The following ZNF780A variants were observed in gnomAD, a reference collection of about 807,000 sequenced individuals.
ZNF780A encodes the protein zinc finger protein 780A.
Under a neutral mutation model 56.7 loss-of-function variants are expected in ZNF780A, and 40 were observed. The ratio of observed to expected loss-of-function variants is 0.71; its 90% CI spans 0.55 to 0.92. The LOEUF is 0.92. Among genes scored for constraint, ZNF780A ranks in the 40% least tolerant of loss-of-function variants. ZNF780A has a pLI of 0.00. For missense variants in ZNF780A, 672 were observed against 783.3 expected (o/e 0.86, Z 1.70); for synonymous variants, 231 against 248.3 (o/e 0.93, Z 0.66).
At position 40,085,976 on chromosome 19, in the gene ZNF780A, A is replaced by G. The variant is rs775283945; in HGVS notation, c.-45-1178T>C. ...TGTGTATATATATATGTGTGTGTGTATATATATATTTATATATATATATGT... is the reference window on the plus strand; with the variant it reads ...TGTGTATATATATATGTGTGTGTGTGTATATATATTTATATATATATATGT... On this transcript the variant is annotated intron_variant, in intron 2 of 5. Coordinates refer to ENST00000683561, the MANE Select transcript of ZNF780A (RefSeq NM_001142578.2). Among the ~76,000 whole-genome samples the G allele has an allele frequency of 5.4e-5, 8 of 148,628 alleles. No homozygotes were observed. In the East Asian group the frequency reaches 9.9e-4, roughly 18 times the overall value.
intron 5 of ZNF780A, among the ~76,000 whole-genome samples, chr19:40,081,165 G>C (rs1974450611): frequency 6.6e-6 from 1 of 151,184 alleles, no homozygotes; most frequent in South Asian, 2.1e-4. Context: ...AATTAAATGA[G>C]AGAAATTATT....
Position 40,075,483 on chromosome 19 carries a change from A to G in ZNF780A, c.959T>C (p.Leu320Pro). 2 of 1,613,692 alleles carry G rather than the reference A, an allele frequency of 1.2e-6. No individual in the cohort carries two copies. Among genetic ancestry groups the G allele is most frequent in the Non-Finnish European group, 1.7e-6 (2 of 1,179,946 alleles). The change falls in exon 6 of 6, where the codon CTT becomes CCT. Residue 320 changes from leucine (L) to proline (P), a missense_variant. Physicochemically the swap from Leu to Pro is moderately conservative, Grantham distance 98 (BLOSUM62 -3). Transcript: ENST00000683561. Reference protein sequence around the residue: ...CGMAFRYHYQLIEHCQIHTGE... With the variant: ...CGMAFRYHYQPIEHCQIHTGE... ...AGTATGAATTTGGCAATGTTCAATA[A>G]GTTGGTAATGATATCGAAAGGCCAT... is the stretch of plus-strand genomic sequence containing the variant.
At chr19:40,077,759 C>T (rs1252642813) in intron 5 of ZNF780A, among the ~76,000 whole-genome samples, 2 of 151,802 alleles carry the variant, frequency 1.3e-5, no homozygotes, top group Non-Finnish European at 2.9e-5. Context: ...AACACTACTG[C>T]ACACGCCCAG....
chr19:40,074,068 A>G lies in ZNF780A; in HGVS notation c.*448T>C. 8.0e-7 allele frequency: 1 copy of G among 1,253,830 alleles called. No homozygotes were observed. Among genetic ancestry groups the G allele is most frequent in the Non-Finnish European group, 1.0e-6 (1 of 978,962 alleles). The allele number at this position is 1,253,830 out of a possible 1,614,324, so 77.7% of individuals were successfully genotyped here. On this transcript the variant is annotated 3_prime_UTR_variant, in exon 6 of 6. Coordinates refer to ENST00000683561, the MANE Select transcript of ZNF780A (RefSeq NM_001142578.2). Reference sequence around the variant, plus strand: ...TGATGTGCAGTCAGGACCAAACTAAATCTGAAAGTTTTCCCACACTCCTTA... The same window carrying G: ...TGATGTGCAGTCAGGACCAAACTAAGTCTGAAAGTTTTCCCACACTCCTTA...
At chr19:40,072,970 A>G (rs1171843686), downstream of ZNF780A, 6 of 1,540,384 alleles carry the variant, frequency 3.9e-6, no homozygotes, top group East Asian at 4.9e-5. Context: ...TTGGAAGCCA[A>G]TGAAGAAATC....
In ZNF780A at chr19:40,074,100, T is replaced by C. The variant is rs1364894419; in HGVS notation, c.*416A>G. 3.8e-5 allele frequency: 48 copies of C among 1,263,986 alleles called. No individual in the cohort carries two copies. The highest frequency in any genetic ancestry group is 4.7e-5 in the Non-Finnish European group (46 of 983,418). The allele number at this position is 1,263,986 out of a possible 1,614,324, so 78.3% of individuals were successfully genotyped here. ...AGTTTTCCCACACTCCTTACATTCA[T>C]AGAGTTTCTCACCAGTATGAATACT... On this transcript the variant is annotated 3_prime_UTR_variant, in exon 6 of 6. Coordinates refer to ENST00000683561, the MANE Select transcript of ZNF780A (RefSeq NM_001142578.2).
At chr19:40,072,122 A>G (rs572478702), downstream of ZNF780A, 1,461 of 231,398 alleles carry the variant, frequency 6.3e-3, 9 homozygotes, top group Non-Finnish European at 0.01. Context: ...ATGGAGCCCC[A>G]GATGCAGTCC....
rs932418889 is a variant in ZNF780A at position 40,073,484 on chromosome 19, T to G, written c.*1032A>C. ...CACAGGGTTGCCACAAACCTTCAGT[T>G]TGTATAAAACACAATAACTGCAATG... is the stretch of plus-strand genomic sequence containing the variant. On this transcript the variant is annotated 3_prime_UTR_variant, in exon 6 of 6. Coordinates refer to ENST00000683561, the MANE Select transcript of ZNF780A (RefSeq NM_001142578.2). 1 of 982,412 alleles carries G rather than the reference T, an allele frequency of 1.0e-6. No homozygotes were observed. The highest frequency in any genetic ancestry group is 1.2e-6 in the Non-Finnish European group (1 of 827,170). 60.9% of individuals were successfully genotyped at this position (982,412 alleles called of 1,614,324 possible). A position where few individuals can be genotyped will look rare whatever the true frequency, so the allele number is the denominator to read the frequency against.
At chr19:40,089,617 TACAC>T (rs5828058) in intron 2 of ZNF780A, among the ~76,000 whole-genome samples, 3,217 of 147,956 alleles carry the variant, frequency 0.022, 75 homozygotes, top group African/African-American at 0.051. Context: ...CCTCTCACAG[TACAC>T]ACACACACAC....
intron 5 of ZNF780A, 22 bp downstream of exon 5, chr19:40,081,797 C>A (rs753892963): frequency 1.9e-6 from 3 of 1,592,330 alleles, no homozygotes; most frequent in Non-Finnish European, 2.6e-6. Context: ...GGCTTCCCCC[C>A]GCCTGCTTTA....
In ZNF780A at chr19:40,075,876, C is replaced by A; in HGVS notation, c.566G>T (p.Gly189Val). 6.2e-7 allele frequency: 1 copy of A among 1,614,088 alleles called. No homozygotes were observed. Among genetic ancestry groups the A allele is most frequent in the Non-Finnish European group, 8.5e-7 (1 of 1,179,988 alleles). The change falls in exon 6 of 6, where the codon GGA (glycine) becomes GTA (valine). Residue 189 changes from glycine (G) to valine (V), a missense_variant. Gly to Val is a moderately radical substitution (Grantham distance 109). Coordinates refer to ENST00000683561, the MANE Select transcript of ZNF780A (RefSeq NM_001142578.2). ...CTCCTTACATTCAAAGGGTTTCTCT[C>A]CAGTATGAATACTCTGATGCTGAAT... is the stretch of plus-strand genomic sequence containing the variant. ...NLIQHQSIHT[G>V]EKPFECKECG...
At chr19:40,089,299 A>G in intron 2 of ZNF780A, 2 of 1,378,188 alleles carry the variant, frequency 1.5e-6, no homozygotes, top group Middle Eastern at 1.9e-4. Flanking sequence ...ACATACAATT[A>G]TATCTGTCGA....
intron 5 of ZNF780A, among the ~76,000 whole-genome samples, chr19:40,079,858 TA>T: frequency 6.6e-6 from 1 of 152,124 alleles, no homozygotes; most frequent in South Asian, 2.1e-4. Context: ...TTGATGGCAA[TA>T]AACACCTACA....
intron 5 of ZNF780A, among the ~76,000 whole-genome samples, chr19:40,077,150 A>AG (rs1384021956): frequency 6.6e-6 from 1 of 152,012 alleles, no homozygotes; most frequent in Non-Finnish European, 1.5e-5. Context: ...GCCCCAAAAC[A>AG]GGCACATCTG....
In ZNF780A at chr19:40,075,523, A is replaced by C; in HGVS notation, c.919T>G (p.Cys307Gly). 1 of 1,612,980 alleles carries C rather than the reference A, an allele frequency of 6.2e-7. No individual in the cohort carries two copies. The highest frequency in any genetic ancestry group is 8.5e-7 in the Non-Finnish European group (1 of 1,179,746). ...CGAAAGGCCATCCCACATTCCTTAC[A>C]TACAAAGGGTTTCTCATTGGAATGA... ...KIHSNEKPFV[C>G]KECGMAFRYH... Residue 307 changes from cysteine (C) to glycine (G), a missense_variant, in exon 6 of 6, where the codon TGT (cysteine) becomes GGT (glycine). Cys to Gly is a radical substitution (Grantham distance 159). Transcript: ENST00000683561.
rs150614163 is a variant in ZNF780A, at chr19:40,074,644, G to A, written c.1798C>T (p.Leu600Phe). The A allele has an allele frequency of 7.4e-6, 12 of 1,613,492 alleles. No homozygotes were observed. Among genetic ancestry groups the A allele is most frequent in the African/African-American group, 1.3e-5 (1 of 74,818 alleles). Residue 600 changes from leucine to phenylalanine, a missense_variant, in exon 6 of 6, where the codon CTT becomes TTT. Transcript: ENST00000683561. ...CGKAFRLHMQLIRHQKLHTGE... is the reference protein window; with the variant it reads ...CGKAFRLHMQFIRHQKLHTGE... ...GTATGCAATTTCTGATGTCGAATAA[G>A]TTGCATATGAAGTCGAAAGGCTTTC... is the stretch of plus-strand genomic sequence containing the variant.
intron 5 of ZNF780A, 27 bp from the exon 6 acceptor site, chr19:40,076,236 A>C: frequency 6.6e-7 from 1 of 1,526,110 alleles, no homozygotes; most frequent in Non-Finnish European, 8.7e-7. Flanking sequence ...AAGCAAACCT[A>C]TTTTATTTTC....
At chr19:40,087,815 T>C (rs573758905) in intron 2 of ZNF780A, among the ~76,000 whole-genome samples, 22 of 152,092 alleles carry the variant, frequency 1.4e-4, no homozygotes, top group African/African-American at 5.1e-4. Flanking sequence ...AACAGACACA[T>C]AGACCAAAGA....
intron 2 of ZNF780A, among the ~76,000 whole-genome samples, chr19:40,088,474 G>C (rs2144981769): frequency 6.6e-6 from 1 of 152,294 alleles, no homozygotes; most frequent in Admixed American, 6.5e-5. Flanking sequence ...GCTCATACCT[G>C]TTAGGGTGGC....
Sources: gnomAD v4.1 joint callset for allele counts (sites outside exome capture counted in the v4.1 genomes callset) on GRCh38, gnomAD v4.1.1 for gene constraint, MANE v1.5 for transcripts, NCBI Gene and HGNC (gene_info 2026-07-23, HGNC 2026-07-21) for gene names.